SNX33: variants seen among roughly 807,000 people sequenced by gnomAD.
SNX33 encodes the protein sorting nexin-33.
SNX33 carries 19 observed loss-of-function variants against 38.8 expected under a neutral mutation model. That is an observed-to-expected ratio of 0.49 (90% CI 0.34 to 0.72). The LOEUF (loss-of-function observed/expected upper bound fraction) is 0.72. SNX33 is among the 30% of genes least tolerant of loss of function. The pLI is 0.01. For missense variants in SNX33, 641 were observed against 776.4 expected (o/e 0.83, Z 2.07); for synonymous variants, 246 against 289.7 (o/e 0.85, Z 1.53).
In SNX33 at chr15:75,649,281, G is replaced by A. The variant is rs190829588; in HGVS notation, c.179G>A (p.Arg60His). The part of the protein sequence containing the change: ...LFPASYVEIV[R>H]SGISTNHADY... ...CCTGCCTCTTATGTGGAGATCGTCCGTTCTGGCATCAGCACCAACCATGCT... is the reference window on the plus strand; with the variant it reads ...CCTGCCTCTTATGTGGAGATCGTCCATTCTGGCATCAGCACCAACCATGCT... The change falls in exon 1 of 2, where the codon CGT becomes CAT. Residue 60 changes from arginine (R) to histidine (H), a missense_variant. Physicochemically the swap from Arg to His is conservative, Grantham distance 29. Around this residue, in one of 2 missense-constraint regions of SNX33, gnomAD observed 243 missense variants for 233.9 expected, o/e 1.04. Coordinates refer to ENST00000308527, the MANE Select transcript of SNX33 (RefSeq NM_153271.2). The surrounding 1 kb of genome is among the most constrained non-coding windows in gnomAD (Gnocchi z 6.6). The A allele has an allele frequency of 2.6e-5, 42 of 1,612,624 alleles. No individual in the cohort carries two copies. Among genetic ancestry groups the A allele is most frequent in the Middle Eastern group, 1.7e-4 (1 of 6,056 alleles).
chr15:75,649,625 C>A lies in SNX33; in HGVS notation c.523C>A (p.Arg175=). The A allele has an allele frequency of 6.2e-7, 1 of 1,612,772 alleles. No individual in the cohort carries two copies. The highest frequency in any genetic ancestry group is 2.2e-5 in the East Asian group (1 of 44,872). ...ERQDSLASAK[R]GSVVGRNLNR... is the part of the protein sequence containing the mutation. ...GCAGGACAGCCTGGCATCTGCCAAG[C>A]GAGGCAGTGTGGTGGGCCGTAACCT... is the stretch of plus-strand genomic sequence containing the variant. The change falls in exon 1 of 2, where the codon CGA becomes AGA. Residue 175 remains arginine, a synonymous_variant. Coordinates refer to ENST00000308527, the MANE Select transcript of SNX33 (RefSeq NM_153271.2). This position sits in a 1 kb window ranked among gnomAD's most constrained non-coding sequence, Gnocchi z 6.6.
chr15:75,649,787 C>G lies in SNX33; in HGVS notation c.685C>G (p.Pro229Ala). 6.6e-7 allele frequency: 1 copy of G among 1,520,364 alleles called. No homozygotes were observed. The allele number at this position is 1,520,364 out of a possible 1,614,324, so 94.2% of individuals were successfully genotyped here. The change falls in exon 1 of 2, where the codon CCA becomes GCA. Residue 229 changes from proline (P) to alanine (A), a missense_variant. Pro to Ala is a conservative substitution (Grantham distance 27, BLOSUM62 -1). This residue lies in a region of SNX33 where 398 missense variants were observed against 542.5 expected (regional missense o/e 0.73). Coordinates refer to ENST00000308527, the MANE Select transcript of SNX33 (RefSeq NM_153271.2). This position sits in a 1 kb window ranked among gnomAD's most constrained non-coding sequence, Gnocchi z 6.6. ...CCCCCAGTGGAAGGCCAATCCCCAC[C>G]CATTTGCCTGCTCTGTGGAGGACCC... ...RGPQWKANPH[P>A]FACSVEDPTK...
chr15:75,648,106 G>A lies in SNX33; in HGVS notation c.-997G>A. 4 of 985,534 alleles carry A rather than the reference G, an allele frequency of 4.1e-6. No homozygotes were observed. Among genetic ancestry groups the A allele is most frequent in the Non-Finnish European group, 4.8e-6 (4 of 829,998 alleles). The allele number at this position is 985,534 out of a possible 1,614,324, so 61.0% of individuals were successfully genotyped here. A position where few individuals can be genotyped will look rare whatever the true frequency, so the allele number is the denominator to read the frequency against. Reference sequence around the variant, plus strand: ...CTCCAAACTCCAAACTGTTGAGTGTGTGCGTGCACGCGAGGGTGGTGATCG... The same window carrying A: ...CTCCAAACTCCAAACTGTTGAGTGTATGCGTGCACGCGAGGGTGGTGATCG... On this transcript the variant is annotated 5_prime_UTR_variant, in exon 1 of 2. It adds an upstream start codon to the 5' untranslated region. Coordinates refer to ENST00000308527, the MANE Select transcript of SNX33 (RefSeq NM_153271.2). The surrounding 1 kb of genome is among the most constrained non-coding windows in gnomAD (Gnocchi z 4.4).
Position 75,660,241 on chromosome 15 carries a change from G to A in SNX33, c.*3026G>A, listed in dbSNP as rs1306843609. 1 of 152,328 alleles carries A rather than the reference G, an allele frequency of 6.6e-6. No homozygotes were observed. Among genetic ancestry groups the A allele is most frequent in the Non-Finnish European group, 1.5e-5 (1 of 68,118 alleles). 9.4% of individuals were successfully genotyped at this position (152,328 alleles called of 1,614,324 possible). ...CAGTACAGGAAAAGGAATCCGCTTT[G>A]TGGCCACAGATGGGGGCTGGGGATG... On this transcript the variant is annotated 3_prime_UTR_variant, in exon 2 of 2. Coordinates refer to ENST00000308527, the MANE Select transcript of SNX33 (RefSeq NM_153271.2).
chr15:75,653,058 T>C (rs1048975675), intron 1 of SNX33, among the ~76,000 whole-genome samples: 2 of 152,114 alleles, frequency 1.3e-5, no homozygotes, highest in Non-Finnish European at 2.9e-5. Context: ...TGACATGACT[T>C]TGGGAGAGAT....
rs1265154661 is a variant in SNX33 at position 75,650,293 on chromosome 15, T to G, written c.1191T>G (p.Thr397=). 3 of 1,592,632 alleles carry G rather than the reference T, an allele frequency of 1.9e-6. No individual in the cohort carries two copies. The highest frequency in any genetic ancestry group is 2.2e-5 in the East Asian group (1 of 44,624). Residue 397 remains threonine, a synonymous_variant, in exon 1 of 2, where the codon ACT becomes ACG. Transcript: ENST00000308527. The surrounding 1 kb of genome is among the most constrained non-coding windows in gnomAD (Gnocchi z 6.1). Reference sequence around the variant, plus strand: ...ACGACAGCGTCCTGCAGCTCAGCACTGTGGCATCAGAGCTGGTGCGTAAAC... The same window carrying G: ...ACGACAGCGTCCTGCAGCTCAGCACGGTGGCATCAGAGCTGGTGCGTAAAC... ...KMDDSVLQLS[T]VASELVRKHV...
At position 75,650,963 on chromosome 15, in the gene SNX33, G is replaced by A. The variant is rs79693642; in HGVS notation, c.1471+390G>A. 0.041 allele frequency among the ~76,000 whole-genome samples: 6,202 copies of A among 152,224 alleles called. 391 individuals are homozygous for A. Among genetic ancestry groups the A allele is most frequent in the African/African-American group, 0.14 (5,780 of 41,512 alleles). On this transcript the variant is annotated intron_variant, in intron 1 of 1. Coordinates refer to ENST00000308527, the MANE Select transcript of SNX33 (RefSeq NM_153271.2). This position sits in a 1 kb window ranked among gnomAD's most constrained non-coding sequence, Gnocchi z 6.1. ...CAGGGATATTGTTGTGCACAGGCCC[G>A]GTCTCTGTCCTCATGGAGCTTGATA... is the stretch of plus-strand genomic sequence containing the variant.
In SNX33 at chr15:75,657,478, C is replaced by A; in HGVS notation, c.*263C>A. 3.5e-6 allele frequency: 2 copies of A among 568,794 alleles called. No individual in the cohort carries two copies. The highest frequency in any genetic ancestry group is 6.2e-6 in the Non-Finnish European group (2 of 323,406). 35.2% of individuals were successfully genotyped at this position (568,794 alleles called of 1,614,324 possible). A position where few individuals can be genotyped will look rare whatever the true frequency, so the allele number is the denominator to read the frequency against. ...GCCAAGGCCTGGGCTGCCGGTCAGTCAGTGAAGGTCAGGCCAGGGTCTCAG... is the reference window on the plus strand; with the variant it reads ...GCCAAGGCCTGGGCTGCCGGTCAGTAAGTGAAGGTCAGGCCAGGGTCTCAG... On this transcript the variant is annotated 3_prime_UTR_variant, in exon 2 of 2. Transcript: ENST00000308527. This position sits in a 1 kb window ranked among gnomAD's most constrained non-coding sequence, Gnocchi z 5.5.
intron 1 of SNX33, among the ~76,000 whole-genome samples, chr15:75,652,724 C>G (rs544636917): frequency 6.6e-6 from 1 of 152,318 alleles, no homozygotes; most frequent in South Asian, 2.1e-4. Flanking sequence ...ATGGGCCAAG[C>G]CCTCTCTGGC....
chr15:75,649,020 T>C lies in SNX33; in HGVS notation c.-83T>C, dbSNP rs978320665. The C allele has an allele frequency of 1.1e-5, 16 of 1,487,940 alleles. No homozygotes were observed. Among genetic ancestry groups the C allele is most frequent in the Non-Finnish European group, 1.4e-5 (16 of 1,111,118 alleles). 92.2% of individuals were successfully genotyped at this position (1,487,940 alleles called of 1,614,324 possible). A position where few individuals can be genotyped will look rare whatever the true frequency, so the allele number is the denominator to read the frequency against. On this transcript the variant is annotated 5_prime_UTR_variant, in exon 1 of 2. Coordinates refer to ENST00000308527, the MANE Select transcript of SNX33 (RefSeq NM_153271.2). This position sits in a 1 kb window ranked among gnomAD's most constrained non-coding sequence, Gnocchi z 6.6. Reference sequence around the variant, plus strand: ...TGTGTAAGCGCCATTCAGCTGCGAGTGCATTCTTGGACTGCCTTGTGAGCA... The same window carrying C: ...TGTGTAAGCGCCATTCAGCTGCGAGCGCATTCTTGGACTGCCTTGTGAGCA...
At position 75,648,466 on chromosome 15, in the gene SNX33, T is replaced by TTGG; in HGVS notation, c.-637_-636insTGG. 1 of 985,144 alleles carries TTGG rather than the reference T, an allele frequency of 1.0e-6. No homozygotes were observed. Among genetic ancestry groups the TTGG allele is most frequent in the Non-Finnish European group, 1.2e-6 (1 of 829,900 alleles). The allele number at this position is 985,144 out of a possible 1,614,324, so 61.0% of individuals were successfully genotyped here. A position where few individuals can be genotyped will look rare whatever the true frequency, so the allele number is the denominator to read the frequency against. On this transcript the variant is annotated 5_prime_UTR_variant, in exon 1 of 2. Coordinates refer to ENST00000308527, the MANE Select transcript of SNX33 (RefSeq NM_153271.2). This position sits in a 1 kb window ranked among gnomAD's most constrained non-coding sequence, Gnocchi z 4.4. ...CTGGCTCGTTGTGAAGCCGGACACA[T>TTGG]CCACCCTTGGACTCGATTCAGGCGG... is the stretch of plus-strand genomic sequence containing the variant.
chr15:75,653,617 C>G (rs1893612309), intron 1 of SNX33, among the ~76,000 whole-genome samples: 1 of 152,188 alleles, frequency 6.6e-6, no homozygotes, highest in Non-Finnish European at 1.5e-5. Context: ...GGATGGAGAG[C>G]TGAGCCAGAA....
chr15:75,652,337 G>A (rs1423269359), intron 1 of SNX33, among the ~76,000 whole-genome samples: 1 of 152,204 alleles, frequency 6.6e-6, no homozygotes, highest in African/African-American at 2.4e-5. Flanking sequence ...ACTGGGGCAG[G>A]TGTCTCCCTG....
Position 75,650,604 on chromosome 15 carries a change from C to T in SNX33, c.1471+31C>T. 4.5e-6 allele frequency: 7 copies of T among 1,552,176 alleles called. No homozygotes were observed. The highest frequency in any genetic ancestry group is 1.2e-5 in the South Asian group (1 of 80,130). ...GCCCAGTGCAGGCAGGAAACTCGTC[C>T]TGAGTCTGGCTCTCTGCTGGGCCCT... On this transcript the variant is annotated intron_variant, in intron 1 of 1. Transcript: ENST00000308527. This position sits in a 1 kb window ranked among gnomAD's most constrained non-coding sequence, Gnocchi z 6.1.
At chr15:75,654,538 A>G (rs1456230879) in intron 1 of SNX33, among the ~76,000 whole-genome samples, 1 of 152,084 alleles carries the variant, frequency 6.6e-6, no homozygotes, top group African/African-American at 2.4e-5. Flanking sequence ...GTGGGCTCCA[A>G]CCCTCCTTTC....
rs1447112671 is a variant in SNX33, at chr15:75,657,485, G to GGTC, written c.*271_*273dup. The GGTC allele has an allele frequency of 1.8e-6, 1 of 554,244 alleles. No individual in the cohort carries two copies. Among genetic ancestry groups the GGTC allele is most frequent in the Non-Finnish European group, 3.2e-6 (1 of 312,210 alleles). 34.3% of individuals were successfully genotyped at this position (554,244 alleles called of 1,614,324 possible). A position where few individuals can be genotyped will look rare whatever the true frequency, so the allele number is the denominator to read the frequency against. ...CCTGGGCTGCCGGTCAGTCAGTGAA[G>GGTC]GTCAGGCCAGGGTCTCAGCCTCCCC... On this transcript the variant is annotated 3_prime_UTR_variant, in exon 2 of 2. Coordinates refer to ENST00000308527, the MANE Select transcript of SNX33 (RefSeq NM_153271.2). The surrounding 1 kb of genome is among the most constrained non-coding windows in gnomAD (Gnocchi z 5.5).
Position 75,657,405 on chromosome 15 carries a change from T to A in SNX33, c.*190T>A. 2.2e-6 allele frequency: 2 copies of A among 913,624 alleles called. No homozygotes were observed. Among genetic ancestry groups the A allele is most frequent in the South Asian group, 1.7e-5 (1 of 59,848 alleles). The allele number at this position is 913,624 out of a possible 1,614,324, so 56.6% of individuals were successfully genotyped here. A position where few individuals can be genotyped will look rare whatever the true frequency, so the allele number is the denominator to read the frequency against. ...TGCCCCTGGGAAATTCCCCACTCCT[T>A]AGAAGTGGGGCACAGCAGGGGTGAG... is the stretch of plus-strand genomic sequence containing the variant. On this transcript the variant is annotated 3_prime_UTR_variant, in exon 2 of 2. Transcript: ENST00000308527. This position sits in a 1 kb window ranked among gnomAD's most constrained non-coding sequence, Gnocchi z 5.5.
intron 1 of SNX33, among the ~76,000 whole-genome samples, chr15:75,652,118 G>A (rs527465754): frequency 6.6e-5 from 10 of 151,588 alleles, no homozygotes; most frequent in Admixed American, 2.0e-4. Flanking sequence ...GTGCGTCCCC[G>A]GGGAGTGCCT....
chr15:75,654,168 G>T (rs565357934), intron 1 of SNX33, among the ~76,000 whole-genome samples: 27 of 151,414 alleles, frequency 1.8e-4, no homozygotes, highest in South Asian at 8.4e-4. Context: ...AGCTTCTATT[G>T]TATCTCAGGT....
Sources: gnomAD v4.1 joint callset for allele counts (sites outside exome capture counted in the v4.1 genomes callset) on GRCh38, gnomAD v4.1.1 for gene constraint, gnomAD v4.1.1 regional missense constraint, Gnocchi (gnomAD v3.1) non-coding constraint, MANE v1.5 for transcripts, NCBI Gene and HGNC (gene_info 2026-07-23, HGNC 2026-07-21) for gene names.